AP1B1: variants seen among roughly 807,000 people sequenced by gnomAD.
The protein encoded by AP1B1 is adaptor related protein complex 1 subunit beta 1.
Under a neutral mutation model 104.3 loss-of-function variants are expected in AP1B1, and 36 were observed. The observed-to-expected ratio is 0.35, with a 90% CI of 0.26 to 0.46. AP1B1 has a LOEUF of 0.46. Ranked by LOEUF, AP1B1 falls within the 20% of genes least tolerant of loss-of-function variation. AP1B1 has a pLI of 1.00. For missense variants in AP1B1, 901 were observed against 1,247.9 expected (o/e 0.72, Z 4.19); for synonymous variants, 504 against 517.5 (o/e 0.97, Z 0.35).
At chr22:29,356,372 CCT>C (rs1300819138) in intron 6 of AP1B1, 52 bp downstream of exon 6, 11 of 1,549,196 alleles carry the variant, frequency 7.1e-6, no homozygotes, top group Admixed American at 1.8e-5. Flanking sequence ...GGTTGGAGCC[CCT>C]GAGGACCAGG....
At position 29,359,899 on chromosome 22, in the gene AP1B1, T is replaced by C. The variant is rs2072051; in HGVS notation, c.204A>G (p.Leu68=). 0.57 allele frequency: 926,626 copies of C among 1,613,406 alleles called. 270,917 individuals carry two copies. Among genetic ancestry groups the C allele is most frequent in the African/African-American group, 0.84 (62,998 of 75,012 alleles). The change falls in exon 4 of 23, where the codon CTA becomes CTG. Residue 68 remains leucine (L), a synonymous_variant. Transcript: ENST00000357586. ...MQTDNLELKK[L]VYLYLMNYAK... is the part of the protein sequence containing the mutation. ...CGTAATTCATCAAGTAGAGGTATAC[T>C]AGCTTCTTCAGCTCCAGGTTGTCCG...
chr22:29,371,721 C>A (rs1602788885), intron 1 of AP1B1, among the ~76,000 whole-genome samples: 1 of 151,832 alleles, frequency 6.6e-6, no homozygotes, highest in Admixed American at 6.6e-5. Flanking sequence ...GAGTGAGACT[C>A]CGTCTCAAAA....
chr22:29,375,088 T>C (rs1206703905), intron 1 of AP1B1, among the ~76,000 whole-genome samples: 2 of 152,226 alleles, frequency 1.3e-5, no homozygotes, highest in Non-Finnish European at 2.9e-5. Flanking sequence ...CGGTGGCTCA[T>C]GCCTGTGATC....
At chr22:29,376,825 T>C (rs1052088126) in intron 1 of AP1B1, among the ~76,000 whole-genome samples, 12 of 152,200 alleles carry the variant, frequency 7.9e-5, no homozygotes, top group Admixed American at 2.6e-4. Flanking sequence ...ACTGTGTACC[T>C]GCTCCCACAA....
At chr22:29,378,860 C>CAAAA (rs695434) in intron 1 of AP1B1, among the ~76,000 whole-genome samples, 2 of 110,164 alleles carry the variant, frequency 1.8e-5, no homozygotes, top group Admixed American at 1.0e-4. Context: ...CTCCGTCCCA[C>CAAAA]AAAAAAAAAA....
Position 29,354,761 on chromosome 22 carries a change from T to C in AP1B1, c.827A>G (p.Tyr276Cys). 6.2e-7 allele frequency: 1 copy of C among 1,614,100 alleles called. No individual in the cohort carries two copies. The change falls in exon 7 of 23, where the codon TAC becomes TGC. Residue 276 changes from tyrosine to cysteine, a missense_variant. By Grantham distance (194) the Tyr-to-Cys change is radical. Transcript: ENST00000357586. ...FMEMLSKDLD[Y>C]YGTLLKKLAP... The stretch of plus-strand genomic sequence containing the variant: ...CAGCTTCTTGAGCAGTGTGCCGTAG[T>C]AGTCCAAGTCCTTAGACAACATCTC...
intron 18 of AP1B1, 31 bp from the exon 19 acceptor site, chr22:29,331,564 TG>T: frequency 6.2e-7 from 1 of 1,612,888 alleles, no homozygotes; most frequent in Non-Finnish European, 8.5e-7. Flanking sequence ...AGTCAGTCTC[TG>T]GGGCTTGACG....
At chr22:29,382,021 C>CA (rs887119690) in intron 1 of AP1B1, among the ~76,000 whole-genome samples, 285 of 146,932 alleles carry the variant, frequency 1.9e-3, no homozygotes, top group African/African-American at 3.1e-3. Context: ...AAAAAAGAAA[C>CA]AAAAAAAAAA....
chr22:29,345,090 G>A (rs764881733), intron 11 of AP1B1, among the ~76,000 whole-genome samples: 3 of 151,976 alleles, frequency 2.0e-5, no homozygotes, highest in Non-Finnish European at 4.4e-5. Context: ...ACAAGGTCTC[G>A]CTCTGTTGCC....
chr22:29,331,641 C>A, intron 18 of AP1B1, 108 bp from the exon 19 acceptor site: 1 of 1,573,074 alleles, frequency 6.4e-7, no homozygotes, highest in Middle Eastern at 1.7e-4. Flanking sequence ...CCCTGGTAAA[C>A]ACACCCCTTC....
At chr22:29,362,873 T>C in intron 3 of AP1B1, 128 bp downstream of exon 3, 2 of 662,760 alleles carry the variant, frequency 3.0e-6, no homozygotes, top group Non-Finnish European at 5.6e-6. Context: ...GAAAGTTTTA[T>C]GAAGGGAGCT....
rs76890695 is a variant in AP1B1 at position 29,388,181 on chromosome 22, C to T, written c.-28+243G>A. Among the ~76,000 whole-genome samples the T allele has an allele frequency of 5.8e-3, 891 of 152,340 alleles. 7 individuals are homozygous for T. The highest frequency in any genetic ancestry group is 0.02 in the African/African-American group (849 of 41,582). On this transcript the variant is annotated intron_variant, in intron 1 of 22. Coordinates refer to ENST00000357586, the MANE Select transcript of AP1B1 (RefSeq NM_001127.4). ...CCTCGGGGCCTAAGTCCTGTCTCTC[C>T]GGGCGGAAGCCCCAGGAGGTGCTGC...
chr22:29,351,869 A>G, intron 7 of AP1B1, 44 bp from the exon 8 acceptor site: 1 of 1,605,952 alleles, frequency 6.2e-7, no homozygotes, highest in Non-Finnish European at 8.5e-7. Context: ...AACAAGGCTT[A>G]AGCCCTGTGA....
chr22:29,382,082 A>G (rs991603889), intron 1 of AP1B1, among the ~76,000 whole-genome samples: 7 of 152,058 alleles, frequency 4.6e-5, no homozygotes, highest in African/African-American at 1.7e-4. Flanking sequence ...AGAGACAGAT[A>G]GTCTTGCTCT....
chr22:29,356,702 G>A lies in AP1B1; in HGVS notation c.526-86C>T, dbSNP rs2061964194. On this transcript the variant is annotated intron_variant, in intron 5 of 22. Transcript: ENST00000357586. The stretch of plus-strand genomic sequence containing the variant: ...GCATTAATGATGCTGGCTGGTCAGA[G>A]GTCAAATATCCTGAAAGGAATATGA... The A allele has an allele frequency of 8.4e-6, 11 of 1,307,688 alleles. No individual in the cohort carries two copies. The Middle Eastern group carries it at 1.0e-3, about 120-fold the overall frequency. The allele number at this position is 1,307,688 out of a possible 1,614,324, so 81.0% of individuals were successfully genotyped here.
At chr22:29,340,074 G>A (rs916163043) in intron 14 of AP1B1, among the ~76,000 whole-genome samples, 2 of 152,046 alleles carry the variant, frequency 1.3e-5, no homozygotes, top group Non-Finnish European at 2.9e-5. Context: ...GACCTGAGCC[G>A]AGCACAGCCA....
Position 29,364,732 on chromosome 22 carries a change from A to G in AP1B1, c.38-1626T>C, listed in dbSNP as rs560012918. Among the ~76,000 whole-genome samples, 231 of 150,460 alleles carry G rather than the reference A, an allele frequency of 1.5e-3. 1 individual carries two copies. Among genetic ancestry groups the G allele is most frequent in the African/African-American group, 5.5e-3 (224 of 40,862 alleles). Reference sequence around the variant, plus strand: ...CCCGGCCATTTTTTTTTTTTGAGACATAGTCTCACTCTGTCACCCAGGCTG... The same window carrying G: ...CCCGGCCATTTTTTTTTTTTGAGACGTAGTCTCACTCTGTCACCCAGGCTG... On this transcript the variant is annotated intron_variant, in intron 2 of 22. Transcript: ENST00000357586.
intron 1 of AP1B1, among the ~76,000 whole-genome samples, chr22:29,373,463 G>A (rs192558613): frequency 6.6e-6 from 1 of 152,250 alleles, no homozygotes; most frequent in East Asian, 1.9e-4. Flanking sequence ...GGTGATAACA[G>A]TCAGGTCAGT....
chr22:29,374,116 G>A (rs1358318103), intron 1 of AP1B1, among the ~76,000 whole-genome samples: 2 of 150,804 alleles, frequency 1.3e-5, no homozygotes, highest in African/African-American at 4.9e-5. Flanking sequence ...TGGGAGAATC[G>A]CTTGAACCCC....
Sources: allele counts gnomAD v4.1 joint callset (sites outside exome capture counted in the v4.1 genomes callset), GRCh38; gene constraint gnomAD v4.1.1; transcripts MANE v1.5; gene names NCBI Gene and HGNC (gene_info 2026-07-23, HGNC 2026-07-21).